Variants in DET1 observed in about 807,000 individuals in gnomAD.
The protein encoded by DET1 is DET1 homolog.
DET1 carries 22 observed loss-of-function variants against 43.7 expected under a neutral mutation model. The ratio of observed to expected loss-of-function variants is 0.50; its 90% CI spans 0.36 to 0.72. The LOEUF (loss-of-function observed/expected upper bound fraction) is 0.72. Among genes scored for constraint, DET1 ranks in the 30% least tolerant of loss-of-function variants. DET1 has a pLI of 0.00. For missense variants in DET1, 713 were observed against 713.3 expected, an observed-to-expected ratio of 1.00 and a Z score of 0.00; for synonymous variants, 315 against 266.2, an observed-to-expected ratio of 1.18 and a Z score of -1.79.
chr15:88,507,706 T>C (rs1567054603), downstream of DET1, among the ~76,000 whole-genome samples: 1 of 152,230 alleles, frequency 6.6e-6, no homozygotes, highest in African/African-American at 2.4e-5. Flanking sequence ...ACATTTCCAC[T>C]ATCCAGTGCC....
chr15:88,534,458 G>A (rs1243119530), intron 1 of DET1, among the ~76,000 whole-genome samples: 1 of 152,170 alleles, frequency 6.6e-6, no homozygotes, highest in African/African-American at 2.4e-5. Flanking sequence ...AAGAGCAAGT[G>A]TGTTGCAAGG....
rs34945813 is a variant in DET1 at position 88,539,448 on chromosome 15, TAAA to T, written c.-11+7089_-11+7091del. 3.9e-3 allele frequency among the ~76,000 whole-genome samples: 374 copies of T among 96,444 alleles called. 3 individuals are homozygous for T. Among genetic ancestry groups the T allele is most frequent in the African/African-American group, 0.015 (349 of 23,020 alleles). The allele number at this position is 96,444 out of a possible 152,430, so 63.3% of individuals were successfully genotyped here. A position where few individuals can be genotyped will look rare whatever the true frequency, so the allele number is the denominator to read the frequency against. ...ACGGGAGGGCCCCCCCTTGTCTGTC[TAAA>T]AAAAAAAAAAAAAAAAAAAAGGAAA... On this transcript the variant is annotated intron_variant, in intron 1 of 4. Coordinates refer to ENST00000268148, the MANE Select transcript of DET1 (RefSeq NM_001144074.3).
chr15:88,546,049 T>C (rs913338824), intron 1 of DET1, among the ~76,000 whole-genome samples: 4 of 151,974 alleles, frequency 2.6e-5, no homozygotes, highest in African/African-American at 9.7e-5. Context: ...ACCTAACTTC[T>C]GTAAAATTGT....
intron 3 of DET1, among the ~76,000 whole-genome samples, chr15:88,522,675 A>AT (rs995755992): frequency 1.0e-4 from 15 of 150,464 alleles, no homozygotes; most frequent in South Asian, 2.1e-4. Context: ...CACACGGCTA[A>AT]TTTTTTTTGT....
intron 7 of DET1, among the ~76,000 whole-genome samples, chr15:88,506,595 T>C (rs910420789): frequency 6.6e-6 from 1 of 152,176 alleles, no homozygotes; most frequent in African/African-American, 2.4e-5. Flanking sequence ...CCAATAATTA[T>C]AATCTACTCA....
chr15:88,522,512 G>GTGTTTTTTTTTT lies in DET1; in HGVS notation c.1271+5086_1271+5087insAAAAAAAAAACA, dbSNP rs2056520017. On this transcript the variant is annotated intron_variant, in intron 3 of 4. Coordinates refer to ENST00000268148, the MANE Select transcript of DET1 (RefSeq NM_001144074.3). Reference sequence around the variant, plus strand: ...TCTCATTGTTCTAGGAATGTTCCTGGTTTTTTTTTTTTTTTGAGTTGGAGT... The same window carrying GTGTTTTTTTTTT: ...TCTCATTGTTCTAGGAATGTTCCTGGTGTTTTTTTTTTTTTTTTTTTTTTTTTGAGTTGGAGT... Among the ~76,000 whole-genome samples the GTGTTTTTTTTTT allele has an allele frequency of 2.5e-5, 2 of 80,256 alleles. 1 individual carries two copies. Among genetic ancestry groups the GTGTTTTTTTTTT allele is most frequent in the African/African-American group, 1.0e-4 (2 of 19,096 alleles). The allele number at this position is 80,256 out of a possible 152,430, so 52.7% of individuals were successfully genotyped here.
chr15:88,542,231 G>A (rs757202670), intron 1 of DET1, among the ~76,000 whole-genome samples: 5 of 152,116 alleles, frequency 3.3e-5, no homozygotes, highest in Non-Finnish European at 5.9e-5. Context: ...GCATTAACCG[G>A]TAGGCCTGAG....
intron 3 of DET1, among the ~76,000 whole-genome samples, chr15:88,527,272 AC>A (rs1350724268): frequency 6.6e-6 from 1 of 152,208 alleles, no homozygotes. Context: ...ATCATGTTTA[AC>A]CAAAAGTTTC....
intron 3 of DET1, among the ~76,000 whole-genome samples, chr15:88,522,602 G>A (rs188564080): frequency 5.0e-5 from 7 of 140,364 alleles, no homozygotes; most frequent in African/African-American, 1.9e-4. Flanking sequence ...TCCGCCTCCT[G>A]GGTTCACGCC....
At chr15:88,517,095 T>A in intron 3 of DET1, 122 bp from the exon 4 acceptor site, 3 of 710,472 alleles carry the variant, frequency 4.2e-6, no homozygotes, top group Non-Finnish European at 6.6e-6. Context: ...AAAACCTAGG[T>A]AATGAATTAA....
rs745870304 is a variant in DET1, at chr15:88,530,917, A to G, written c.789T>C (p.Asp263=). 6.2e-7 allele frequency: 1 copy of G among 1,614,042 alleles called. No homozygotes were observed. The highest frequency in any genetic ancestry group is 8.5e-7 in the Non-Finnish European group (1 of 1,179,898). Residue 263 remains aspartate (D), a synonymous_variant, in exon 2 of 5, where the codon GAT becomes GAC. Transcript: ENST00000268148. ...AAACAGCTGACACAGTGAGCAGGTC[A>G]TCCTCATAGCAAAAGCGGCCAATGG... ...VRTIGRFCYE[D]DLLTVSAVFP...
At chr15:88,514,045 C>T (rs1490754236) in intron 4 of DET1, among the ~76,000 whole-genome samples, 4 of 149,794 alleles carry the variant, frequency 2.7e-5, no homozygotes, top group Admixed American at 2.6e-4. Context: ...GTGATCCGCC[C>T]GCCTCGGCCT....
chr15:88,513,817 T>G (rs1364314498), intron 4 of DET1, among the ~76,000 whole-genome samples: 1 of 114,348 alleles, frequency 8.7e-6, no homozygotes, highest in African/African-American at 3.7e-5. Context: ...TTTTTTTTTT[T>G]GAGACGGAGT....
chr15:88,523,709 G>C (rs1484298969), intron 3 of DET1, among the ~76,000 whole-genome samples: 1 of 152,016 alleles, frequency 6.6e-6, no homozygotes, highest in Non-Finnish European at 1.5e-5. Flanking sequence ...CCGAGGTGCT[G>C]GGATTGCAGA....
chr15:88,536,548 G>C (rs542508702), intron 1 of DET1, among the ~76,000 whole-genome samples: 1 of 152,204 alleles, frequency 6.6e-6, no homozygotes, highest in South Asian at 2.1e-4. Context: ...GGGAGGCTGA[G>C]GCAGGGAGGT....
chr15:88,545,158 C>A (rs1183766697), intron 1 of DET1, among the ~76,000 whole-genome samples: 1 of 151,912 alleles, frequency 6.6e-6, no homozygotes, highest in Non-Finnish European at 1.5e-5. Flanking sequence ...GCTTCTCATC[C>A]TAAATTATGT....
rs1292194047 is a variant in DET1 at position 88,504,288 on chromosome 15, C to A, written c.*2066-301G>T. 1.3e-5 allele frequency: 2 copies of A among 152,070 alleles called. No homozygotes were observed. The highest frequency in any genetic ancestry group is 2.9e-5 in the Non-Finnish European group (2 of 68,036). 9.4% of individuals were successfully genotyped at this position (152,070 alleles called of 1,614,324 possible). ...GTGCAAAAGCCTAGCCTTGAAATGTCTTTTATAAATAAGCCTTGAAAGTGG... is the reference window on the plus strand; with the variant it reads ...GTGCAAAAGCCTAGCCTTGAAATGTATTTTATAAATAAGCCTTGAAAGTGG... On this transcript the variant is annotated intron_variant and NMD_transcript_variant, in intron 7 of 8. Coordinates refer to the DET1 transcript ENST00000557842. The surrounding 1 kb of genome is among the most constrained non-coding windows in gnomAD (Gnocchi z 4.7).
downstream of DET1, among the ~76,000 whole-genome samples, chr15:88,507,889 G>A (rs188722345): frequency 4.5e-4 from 68 of 152,298 alleles, no homozygotes; most frequent in African/African-American, 1.3e-3. Context: ...GAACCAGGCC[G>A]CACAGCAGGA....
chr15:88,503,252 G>T (rs1051565748), intron 8 of DET1: 2 of 151,680 alleles, frequency 1.3e-5, no homozygotes, highest in African/African-American at 4.8e-5. Context: ...AACAAACTGA[G>T]ACTCTGTCTC....
Sources: gnomAD v4.1 joint callset for allele counts (sites outside exome capture counted in the v4.1 genomes callset) on GRCh38, gnomAD v4.1.1 for gene constraint, Gnocchi (gnomAD v3.1) non-coding constraint, MANE v1.5 for transcripts, NCBI Gene and HGNC (gene_info 2026-07-23, HGNC 2026-07-21) for gene names.